TAF6: variants seen among roughly 807,000 people sequenced by gnomAD.
TAF6 encodes the protein TATA-box binding protein associated factor 6, also known as transcription initiation factor TFIID subunit 6.
A neutral mutation model predicts 73.5 loss-of-function variants in TAF6; 50 were observed. That is an observed-to-expected ratio of 0.68 (90% CI 0.54 to 0.86). TAF6 has a LOEUF of 0.86. Among genes scored for constraint, TAF6 ranks in the 40% least tolerant of loss-of-function variants. The pLI is 0.00. For synonymous variants in TAF6, 424 were observed against 376.7 expected (o/e 1.13, Z -1.45); for missense variants, 768 against 899.5 (o/e 0.85, Z 1.87).
At chr7:100,122,563 C>A, upstream of TAF6, 1 of 1,609,826 alleles carries the variant, frequency 6.2e-7, no homozygotes, top group Non-Finnish European at 8.5e-7. Flanking sequence ...CAAGGGCTCA[C>A]TGAGATATGC....
In TAF6 at chr7:100,112,809, G is replaced by A. The variant is rs1322534169; in HGVS notation, c.563C>T (p.Ala188Val). 1 of 1,613,164 alleles carries A rather than the reference G, an allele frequency of 6.2e-7. No individual in the cohort carries two copies. Among genetic ancestry groups the A allele is most frequent in the Admixed American group, 1.7e-5 (1 of 59,910 alleles). The change falls in exon 6 of 15, where the codon GCC becomes GTC. Residue 188 changes from alanine to valine, a missense_variant. This residue lies in a region of TAF6 where 269 missense variants were observed against 268.0 expected (regional missense o/e 1.00). Transcript: ENST00000453269. ...CTAGGAGGACTGACCTTTGCCGTCG[G>A]CTGTGGTGGCCCCTTGACCTTTGCC... is the stretch of plus-strand genomic sequence containing the variant. Reference protein sequence around the residue: ...LKGKGQGATTADGKGKEKKAP... With the variant: ...LKGKGQGATTVDGKGKEKKAP...
At chr7:100,123,452 T>C (rs1255819070), upstream of TAF6, among the ~76,000 whole-genome samples, 1 of 152,138 alleles carries the variant, frequency 6.6e-6, no homozygotes, top group African/African-American at 2.4e-5. Context: ...AAGGACTGTT[T>C]GAGACCAGAG....
Position 100,114,198 on chromosome 7 carries a change from C to T in TAF6, c.12G>A (p.Glu4=), listed in dbSNP as rs762577815. Residue 4 remains glutamate (E), a synonymous_variant, in exon 2 of 15, where the codon GAG becomes GAA. Transcript: ENST00000453269. ...CAGTGTTGCTAAGCTTCAGCTTCTT[C>T]TCCTCAGCCATTCTGGAGTCCCTCT... MAE[E]KKLKLSNTVL... 1 of 1,614,248 alleles carries T rather than the reference C, an allele frequency of 6.2e-7. No individual in the cohort carries two copies. Among genetic ancestry groups the T allele is most frequent in the South Asian group, 1.1e-5 (1 of 91,088 alleles).
At chr7:100,111,493 C>T (rs930147262) in intron 9 of TAF6, among the ~76,000 whole-genome samples, 172 bp from the exon 10 acceptor site, 4 of 152,196 alleles carry the variant, frequency 2.6e-5, no homozygotes, top group Non-Finnish European at 5.9e-5. Flanking sequence ...GCTGGGGCCA[C>T]AGGTGTGCAC....
intron 6 of TAF6, among the ~76,000 whole-genome samples, chr7:100,112,467 C>T (rs1013071735): frequency 6.6e-6 from 1 of 152,198 alleles, no homozygotes; most frequent in Non-Finnish European, 1.5e-5. Context: ...AATCCCAGCA[C>T]TTTGGGAGGC....
Position 100,107,117 on chromosome 7 carries a change from T to C in TAF6, c.*129A>G, listed in dbSNP as rs951441916. The C allele has an allele frequency of 1.0e-5, 14 of 1,369,494 alleles. No homozygotes were observed. In the African/African-American group the frequency reaches 1.5e-4, roughly 14 times the overall value. 84.8% of individuals were successfully genotyped at this position (1,369,494 alleles called of 1,614,324 possible). On this transcript the variant is annotated 3_prime_UTR_variant, in exon 15 of 15. Transcript: ENST00000453269. ...TTATTCTGAGAAACTGGCTGTACAA[T>C]ATCTAAAAAGAAAGTGACATGAAGG... is the stretch of plus-strand genomic sequence containing the variant.
At chr7:100,121,867 G>A (rs375581987), upstream of TAF6, among the ~76,000 whole-genome samples, 847 of 145,872 alleles carry the variant, frequency 5.8e-3, 10 homozygotes, top group African/African-American at 0.02. Flanking sequence ...TGGCTAACAC[G>A]GTGAAACCCT....
chr7:100,113,895 G>A lies in TAF6; in HGVS notation c.216C>T (p.Asp72=). The A allele has an allele frequency of 6.2e-7, 1 of 1,613,756 alleles. No individual in the cohort carries two copies. Among genetic ancestry groups the A allele is most frequent in the Non-Finnish European group, 8.5e-7 (1 of 1,180,002 alleles). The stretch of plus-strand genomic sequence containing the variant: ...CGACATTCTTTAGCTTCAAGGCGTA[G>A]TCAATGTCACTGGTGGTGAGCTTCT... ...KRQKLTTSDI[D]YALKLKNVEP... is the part of the protein sequence containing the mutation. Residue 72 remains aspartate, a synonymous_variant, in exon 3 of 15, where the codon GAC becomes GAT. Transcript: ENST00000453269.
chr7:100,107,519 G>T lies in TAF6; in HGVS notation c.1761C>A (p.Thr587=). ...CAGTGCTGGGGGGTGCGGTGGTGGC[G>T]GTGGAGACCAACTTGACGATGGGCT... ...SVQPIVKLVS[T]ATTAPPSTAP... is the part of the protein sequence containing the mutation. Residue 587 remains threonine, a synonymous_variant, in exon 15 of 15, where the codon ACC becomes ACA. Transcript: ENST00000453269. 1 of 1,614,020 alleles carries T rather than the reference G, an allele frequency of 6.2e-7. No individual in the cohort carries two copies. The highest frequency in any genetic ancestry group is 1.1e-5 in the South Asian group (1 of 91,070).
upstream of TAF6, chr7:100,122,762 T>C: frequency 1.2e-6 from 2 of 1,607,080 alleles, no homozygotes; most frequent in Non-Finnish European, 1.7e-6. Context: ...GCTGGGCTGA[T>C]GCCAAATTCT....
chr7:100,111,143 G>C lies in TAF6; in HGVS notation c.1079C>G (p.Thr360Ser). Reference protein sequence around the residue: ...NIQSRITKTFTKSWVDEKTPW... With the variant: ...NIQSRITKTFSKSWVDEKTPW... The stretch of plus-strand genomic sequence containing the variant: ...GCTCAAGTTTTCCTGGCTCACCTTG[G>C]TGAAGGTCTTGGTGATCCGGGACTG... The change falls in exon 10 of 15, where the codon ACC (threonine) becomes AGC (serine). Residue 360 changes from threonine (T) to serine (S), a missense_variant. Physicochemically the swap from Thr to Ser is moderately conservative, Grantham distance 58. Around this residue, in one of 5 missense-constraint regions of TAF6, gnomAD observed 69 missense variants for 105.4 expected, o/e 0.65. Transcript: ENST00000453269. 1.2e-6 allele frequency: 2 copies of C among 1,612,974 alleles called. No homozygotes were observed. The highest frequency in any genetic ancestry group is 2.7e-5 in the African/African-American group (2 of 75,046).
Position 100,108,546 on chromosome 7 carries a change from G to C in TAF6, c.1285-6C>G, listed in dbSNP as rs763892748. ...AGAACAGGAGCACAGTGTTTCTGCA[G>C]AACAGAAAAAAAGCCAGGTAGAGGG... On this transcript the variant is annotated splice_polypyrimidine_tract_variant and splice_region_variant and intron_variant, in intron 12 of 14. Coordinates refer to ENST00000453269, the MANE Select transcript of TAF6 (RefSeq NM_139315.3). 2.1e-5 allele frequency: 33 copies of C among 1,586,196 alleles called. No individual in the cohort carries two copies. Among genetic ancestry groups the C allele is most frequent in the Non-Finnish European group, 2.8e-5 (32 of 1,161,692 alleles).
At chr7:100,107,868 G>T in intron 14 of TAF6, 58 bp downstream of exon 14, 2 of 1,550,526 alleles carry the variant, frequency 1.3e-6, no homozygotes, top group South Asian at 2.5e-5. Context: ...GGCCTCCCCA[G>T]GGTGCTCTGA....
At chr7:100,124,379 C>T, upstream of TAF6, 1 of 658,530 alleles carries the variant, frequency 1.5e-6, no homozygotes, top group Admixed American at 2.4e-5. Context: ...ATGAGGATTG[C>T]ACATCTAGTA....
chr7:100,108,446 C>T lies in TAF6; in HGVS notation c.1379G>A (p.Cys460Tyr). The change falls in exon 13 of 15, where the codon TGC (cysteine) becomes TAC (tyrosine). Residue 460 changes from cysteine to tyrosine, a missense_variant. By Grantham distance (194) the Cys-to-Tyr change is radical. Coordinates refer to ENST00000453269, the MANE Select transcript of TAF6 (RefSeq NM_139315.3). ...AEFGSLGPLL[C>Y]SQVVKARAQA... ...GGCCCGAGCCTTGACCACCTGGGAG[C>T]AGAGGAGGGGCCCAAGGGACCCGAA... is the stretch of plus-strand genomic sequence containing the variant. The T allele has an allele frequency of 1.2e-6, 2 of 1,613,958 alleles. No individual in the cohort carries two copies. The highest frequency in any genetic ancestry group is 2.2e-5 in the East Asian group (1 of 44,874).
chr7:100,119,937 T>C, upstream of TAF6: 2 of 1,380,038 alleles, frequency 1.4e-6, no homozygotes, highest in Non-Finnish European at 2.0e-6. Context: ...TCCTAGCCTG[T>C]ATTGGGTGGG....
chr7:100,109,944 T>G lies in TAF6; in HGVS notation c.1284+4A>C. 1 of 1,614,058 alleles carries G rather than the reference T, an allele frequency of 6.2e-7. No homozygotes were observed. The highest frequency in any genetic ancestry group is 8.5e-7 in the Non-Finnish European group (1 of 1,179,988). Reference sequence around the variant, plus strand: ...GCAGGTGTGGGGACAGGGGCTTCAGTCACCAGCAGGAGGCTCTGCACATGG... The same window carrying G: ...GCAGGTGTGGGGACAGGGGCTTCAGGCACCAGCAGGAGGCTCTGCACATGG... On this transcript the variant is annotated splice_donor_region_variant and intron_variant, in intron 12 of 14. Coordinates refer to ENST00000453269, the MANE Select transcript of TAF6 (RefSeq NM_139315.3).
At chr7:100,121,108 A>ATTTTTTTTT (rs1562938218), upstream of TAF6, 1 of 17,894 alleles carries the variant, frequency 5.6e-5, no homozygotes, top group African/African-American at 2.2e-4. Context: ...ATATATATAT[A>ATTTTTTTTT]TATATATATT....
intron 12 of TAF6, 83 bp downstream of exon 12, chr7:100,109,865 G>GT: frequency 1.3e-6 from 2 of 1,566,462 alleles, no homozygotes. Context: ...AAAGATGGGA[G>GT]TAAGTGAATA....
Sources: gnomAD v4.1 joint callset for allele counts (sites outside exome capture counted in the v4.1 genomes callset) on GRCh38, gnomAD v4.1.1 for gene constraint, gnomAD v4.1.1 regional missense constraint, MANE v1.5 for transcripts, NCBI Gene and HGNC (gene_info 2026-07-23, HGNC 2026-07-21) for gene names.